CLEC12A: variants seen among roughly 807,000 people sequenced by gnomAD.
CLEC12A encodes the protein C-type lectin domain family 12 member A, also known as C-type lectin protein CLL-1.
In CLEC12A, 22 loss-of-function variants were observed where a neutral mutation model predicts 26.5. The observed-to-expected ratio is 0.83, with a 90% CI of 0.59 to 1.19. The LOEUF (loss-of-function observed/expected upper bound fraction) is 1.19. Among genes scored for constraint, CLEC12A ranks in the 50% most tolerant of loss-of-function variants. The pLI is 0.00. For missense variants in CLEC12A, 353 were observed against 315.6 expected (o/e 1.12, Z -0.90); for synonymous variants, 119 against 101.9 (o/e 1.17, Z -1.01).
chr12:9,979,984 A>T (rs1308942035), intron 3 of CLEC12A, among the ~76,000 whole-genome samples: 2 of 152,326 alleles, frequency 1.3e-5, no homozygotes, highest in Admixed American at 6.5e-5. Context: ...TTCTATAGTC[A>T]TAGTTGCTAA....
upstream of CLEC12A, among the ~76,000 whole-genome samples, chr12:9,969,595 C>T (rs1045759967): frequency 3.0e-4 from 46 of 152,112 alleles, no homozygotes; most frequent in African/African-American, 1.1e-3. Flanking sequence ...CTTTACAGTT[C>T]GTCATATACG....
At chr12:9,999,121 T>G, downstream of CLEC12A, 7 of 1,570,852 alleles carry the variant, frequency 4.5e-6, no homozygotes, top group Non-Finnish European at 6.1e-6. Context: ...GTACTGCAAC[T>G]GAGCTCAGAG....
downstream of CLEC12A, among the ~76,000 whole-genome samples, chr12:9,987,230 A>G (rs1199713586): frequency 6.6e-6 from 1 of 152,188 alleles, no homozygotes; most frequent in Non-Finnish European, 1.5e-5. Flanking sequence ...CCTACTTATC[A>G]GTATTTTCTC....
At chr12:9,956,226 T>C (rs1269257986) in intron 1 of CLEC12A, among the ~76,000 whole-genome samples, 1 of 152,226 alleles carries the variant, frequency 6.6e-6, no homozygotes, top group East Asian at 1.9e-4. Context: ...CTGGATCCTT[T>C]CTACCCTGTT....
chr12:9,997,060 A>G (rs1159884414), downstream of CLEC12A: 33 of 1,609,166 alleles, frequency 2.1e-5, no homozygotes, highest in Non-Finnish European at 2.7e-5. Flanking sequence ...CATTTTCTTC[A>G]CATTCAATGT....
upstream of CLEC12A, among the ~76,000 whole-genome samples, chr12:9,970,966 A>G (rs568937703): frequency 3.3e-5 from 5 of 152,298 alleles, no homozygotes; most frequent in Admixed American, 3.3e-4. Flanking sequence ...GGCATTCCCT[A>G]CCTCTCTTAG....
chr12:9,971,446 G>A lies in CLEC12A; in HGVS notation c.-151G>A. ...GACATATGGGTGATTGGTACAGTAG[G>A]TTTATAAACAGAAGTTTAAACTTGT... is the stretch of plus-strand genomic sequence containing the variant. On this transcript the variant is annotated 5_prime_UTR_variant, in exon 1 of 6. Coordinates refer to ENST00000304361, the MANE Select transcript of CLEC12A (RefSeq NM_138337.6). The A allele has an allele frequency of 7.3e-7, 1 of 1,370,618 alleles. No homozygotes were observed. The highest frequency in any genetic ancestry group is 9.4e-7 in the Non-Finnish European group (1 of 1,063,926). The allele number at this position is 1,370,618 out of a possible 1,614,324, so 84.9% of individuals were successfully genotyped here. A position where few individuals can be genotyped will look rare whatever the true frequency, so the allele number is the denominator to read the frequency against.
At chr12:9,991,490 G>T (rs1774781002) in intron 4 of CLEC12A, 1 of 151,928 alleles carries the variant, frequency 6.6e-6, no homozygotes, top group South Asian at 2.1e-4. Flanking sequence ...TGAATTATTG[G>T]TTCCTATTTA....
At chr12:9,998,447 C>T, downstream of CLEC12A, 1 of 1,055,450 alleles carries the variant, frequency 9.5e-7, no homozygotes, top group South Asian at 1.3e-5. Flanking sequence ...AGGCTCACCC[C>T]TGCCCCTGCC....
chr12:9,979,943 G>A (rs932665572), intron 3 of CLEC12A, among the ~76,000 whole-genome samples: 28 of 152,106 alleles, frequency 1.8e-4, no homozygotes, highest in African/African-American at 3.6e-4. Flanking sequence ...CTTTGGGATC[G>A]GGGAGTTGGT....
At chr12:9,971,065 G>T (rs140879172), upstream of CLEC12A, among the ~76,000 whole-genome samples, 1 of 152,064 alleles carries the variant, frequency 6.6e-6, no homozygotes, top group Non-Finnish European at 1.5e-5. Context: ...CAGTCTCCCA[G>T]TGAAGAGAAC....
intron 1 of CLEC12A, among the ~76,000 whole-genome samples, chr12:9,958,069 A>G (rs562031068): frequency 8.5e-5 from 13 of 152,350 alleles, no homozygotes; most frequent in Non-Finnish European, 1.6e-4. Context: ...GTTTCCTGGA[A>G]GGTAGTCAAT....
At position 9,980,609 on chromosome 12, in the gene CLEC12A, G is replaced by A. The variant is rs367580037; in HGVS notation, c.407G>A (p.Arg136Lys). 8 of 1,613,746 alleles carry A rather than the reference G, an allele frequency of 5.0e-6. No individual in the cohort carries two copies. Among genetic ancestry groups the A allele is most frequent in the Non-Finnish European group, 6.8e-6 (8 of 1,179,846 alleles). ...CACAAATGTAAGCCTTGTCCAAGGAGATGGATTTGGCATAAGGACAGCTGT... is the reference window on the plus strand; with the variant it reads ...CACAAATGTAAGCCTTGTCCAAGGAAATGGATTTGGCATAAGGACAGCTGT... ...QEHKCKPCPRRWIWHKDSCYF... is the reference protein window; with the variant it reads ...QEHKCKPCPRKWIWHKDSCYF... Residue 136 changes from arginine (R) to lysine (K), a missense_variant, in exon 4 of 6, where the codon AGA becomes AAA. By Grantham distance (26) the Arg-to-Lys change is conservative. Coordinates refer to ENST00000304361, the MANE Select transcript of CLEC12A (RefSeq NM_138337.6).
At chr12:9,972,499 T>C (rs1370174855) in intron 1 of CLEC12A, among the ~76,000 whole-genome samples, 1 of 152,136 alleles carries the variant, frequency 6.6e-6, no homozygotes, top group Non-Finnish European at 1.5e-5. Flanking sequence ...GAATCCATAG[T>C]TTAAATCAGT....
chr12:9,980,445 A>T (rs1367710687), intron 3 of CLEC12A, 137 bp from the exon 4 acceptor site: 1 of 960,590 alleles, frequency 1.0e-6, no homozygotes, highest in Non-Finnish European at 1.5e-6. Flanking sequence ...CAAAAAAAAA[A>T]AAAGGGGGAA....
At chr12:10,000,076 A>G (rs1207438230), downstream of CLEC12A, among the ~76,000 whole-genome samples, 1 of 152,236 alleles carries the variant, frequency 6.6e-6, no homozygotes, top group African/African-American at 2.4e-5. Flanking sequence ...CTATTTTGCC[A>G]TAGGGTAACT....
chr12:9,995,259 T>C lies in CLEC12A; in HGVS notation n.1246T>C, dbSNP rs200494352. 9.5e-4 allele frequency: 1,518 copies of C among 1,597,604 alleles called. 2 individuals carry two copies. Among genetic ancestry groups the C allele is most frequent in the Non-Finnish European group, 1.1e-3 (1,332 of 1,165,530 alleles). On this transcript the variant is annotated non_coding_transcript_exon_variant, in exon 5 of 5. Coordinates refer to the CLEC12A transcript ENST00000449959. ...CTTTGATGTACTCCTATTGTAAACA[T>C]AAATAAACACAATGGTCAGAATCCC... is the stretch of plus-strand genomic sequence containing the variant.
downstream of CLEC12A, chr12:9,998,993 T>C (rs760158188): frequency 1.8e-6 from 2 of 1,130,446 alleles, no homozygotes; most frequent in Non-Finnish European, 2.7e-6. Context: ...AATCAACTCA[T>C]TTTTTAAATT....
At chr12:10,002,127 C>T in the CLEC12A span, among the ~76,000 whole-genome samples, 1 of 152,012 alleles carries the variant, frequency 6.6e-6, no homozygotes, top group African/African-American at 2.4e-5. Flanking sequence ...GTGATCCACC[C>T]GCCTCGGCCT....
Sources: gnomAD v4.1 joint callset for allele counts (sites outside exome capture counted in the v4.1 genomes callset) on GRCh38, gnomAD v4.1.1 for gene constraint, MANE v1.5 for transcripts, NCBI Gene and HGNC (gene_info 2026-07-23, HGNC 2026-07-21) for gene names.